PSTPIP2: variants seen among roughly 807,000 people sequenced by gnomAD.
PSTPIP2 encodes proline-serine-threonine phosphatase-interacting protein 2.
A neutral mutation model predicts 63.3 loss-of-function variants in PSTPIP2; 33 were observed. The ratio of observed to expected loss-of-function variants is 0.52; its 90% CI spans 0.40 to 0.70. The LOEUF (loss-of-function observed/expected upper bound fraction) is 0.70, where lower values mean the gene tolerates loss of function less well. PSTPIP2 is among the 30% of genes least tolerant of loss of function. PSTPIP2 has a pLI of 0.00. For missense variants in PSTPIP2, 312 were observed against 400.7 expected (o/e 0.78, Z 1.89); for synonymous variants, 125 against 132.7 (o/e 0.94, Z 0.40).
chr18:46,015,995 T>C, intron 3 of PSTPIP2, 58 bp from the exon 4 acceptor site: 2 of 1,553,694 alleles, frequency 1.3e-6, no homozygotes, highest in Admixed American at 1.7e-5. Context: ...CACAATCTTA[T>C]TATAATGCCT....
At chr18:45,993,508 A>T (rs2051560783) in intron 10 of PSTPIP2, 97 bp downstream of exon 10, 2 of 1,197,278 alleles carry the variant, frequency 1.7e-6, no homozygotes, top group South Asian at 2.6e-5. Context: ...ACCTTACTTC[A>T]CCAAGGGCAA....
At position 45,991,921 on chromosome 18, in the gene PSTPIP2, T is replaced by C; in HGVS notation, c.901A>G (p.Thr301Ala). Residue 301 changes from threonine to alanine, a missense_variant, in exon 12 of 15, where the codon ACA (threonine) becomes GCA (alanine). Transcript: ENST00000409746. Reference protein sequence around the residue: ...QKNAVPAGKATGPNLARRGPL... With the variant: ...QKNAVPAGKAAGPNLARRGPL... ...TATTACCTTGCCAAGTTAGGCCCTG[T>C]AGCCTTTCCTGCTGGGACTGCATTC... 2 of 1,612,850 alleles carry C rather than the reference T, an allele frequency of 1.2e-6. No individual in the cohort carries two copies. Among genetic ancestry groups the C allele is most frequent in the Non-Finnish European group, 1.7e-6 (2 of 1,178,818 alleles).
intron 2 of PSTPIP2, among the ~76,000 whole-genome samples, chr18:46,032,359 T>G (rs927433962): frequency 6.6e-6 from 1 of 152,172 alleles, no homozygotes; most frequent in African/African-American, 2.4e-5. Flanking sequence ...CTTAGCTGGC[T>G]ACGCTTCACA....
chr18:46,029,312 G>C lies in PSTPIP2; in HGVS notation c.135-4626C>G, dbSNP rs879241087. 4 of 1,532,478 alleles carry C rather than the reference G, an allele frequency of 2.6e-6. No homozygotes were observed. The Admixed American group carries it at 6.7e-5, about 26-fold the overall frequency. 94.9% of individuals were successfully genotyped at this position (1,532,478 alleles called of 1,614,324 possible). A position where few individuals can be genotyped will look rare whatever the true frequency, so the allele number is the denominator to read the frequency against. On this transcript the variant is annotated intron_variant, in intron 2 of 14. Coordinates refer to ENST00000409746, the MANE Select transcript of PSTPIP2 (RefSeq NM_024430.4). ...TTGCTGGGTATTTGCATTTGCTATCGATGAAGACCAAAGAACTGATTGGAA... is the reference window on the plus strand; with the variant it reads ...TTGCTGGGTATTTGCATTTGCTATCCATGAAGACCAAAGAACTGATTGGAA...
intron 1 of PSTPIP2, among the ~76,000 whole-genome samples, chr18:46,044,541 AAACC>A (rs1908312532): frequency 6.6e-6 from 1 of 152,228 alleles, no homozygotes; most frequent in Non-Finnish European, 1.5e-5. Context: ...ATCAGACCTA[AAACC>A]ATAAAAACCC....
intron 13 of PSTPIP2, among the ~76,000 whole-genome samples, chr18:45,990,428 G>T (rs967927751): frequency 2.9e-4 from 26 of 91,000 alleles, no homozygotes; most frequent in Non-Finnish European, 2.1e-4. Context: ...GGGTTTTTTT[G>T]TTTGTTTGTT....
At chr18:46,026,940 T>C (rs976478616) in intron 2 of PSTPIP2, among the ~76,000 whole-genome samples, 2 of 152,190 alleles carry the variant, frequency 1.3e-5, no homozygotes, top group African/African-American at 4.8e-5. Flanking sequence ...CAGGGATTTC[T>C]TTCTGCAGGT....
At chr18:46,031,794 G>A (rs909844785) in intron 2 of PSTPIP2, among the ~76,000 whole-genome samples, 6 of 152,190 alleles carry the variant, frequency 3.9e-5, no homozygotes, top group Non-Finnish European at 7.4e-5. Context: ...GGAAGACATC[G>A]TGAATCTAAA....
intron 1 of PSTPIP2, among the ~76,000 whole-genome samples, chr18:46,065,687 G>A (rs750486644): frequency 3.3e-5 from 5 of 151,822 alleles, no homozygotes; most frequent in Admixed American, 6.6e-5. Flanking sequence ...GGCTGGTCTC[G>A]AACTCCGGAC....
Position 45,992,133 on chromosome 18 carries a change from G to A in PSTPIP2, c.811C>T (p.Gln271Ter). ...IQRDIEYFVN[Q>*]RKTGQIPPAP... ...GGTGGAATCTGTCCAGTTTTGCGTT[G>A]ATTCACAAAGTATTCAATGTCCCTC... Residue 271 changes from glutamine to a stop codon, truncating the protein, a stop_gained, in exon 11 of 15, where the codon CAA (glutamine) becomes TAA (stop). Transcript: ENST00000409746. LOFTEE classifies it high-confidence loss of function. The A allele has an allele frequency of 6.2e-7, 1 of 1,608,730 alleles. No individual in the cohort carries two copies. Among genetic ancestry groups the A allele is most frequent in the Non-Finnish European group, 8.5e-7 (1 of 1,177,264 alleles).
chr18:46,034,055 C>A (rs1568224199), intron 2 of PSTPIP2, among the ~76,000 whole-genome samples: 1 of 152,180 alleles, frequency 6.6e-6, no homozygotes, highest in Non-Finnish European at 1.5e-5. Flanking sequence ...GTCATTCCCA[C>A]CCTGGCAATC....
intron 13 of PSTPIP2, among the ~76,000 whole-genome samples, chr18:45,989,168 G>C (rs1302446979): frequency 2.6e-5 from 4 of 152,106 alleles, no homozygotes; most frequent in Non-Finnish European, 5.9e-5. Flanking sequence ...GTTAAGTGCA[G>C]CATAAACTGT....
intron 3 of PSTPIP2, among the ~76,000 whole-genome samples, chr18:46,018,889 C>A (rs1389423691): frequency 6.6e-6 from 1 of 152,056 alleles, no homozygotes; most frequent in Non-Finnish European, 1.5e-5. Flanking sequence ...ATATTTTAAA[C>A]CAGCATTTTA....
intron 1 of PSTPIP2, among the ~76,000 whole-genome samples, chr18:46,067,829 A>T (rs1909248360): frequency 6.6e-6 from 1 of 152,218 alleles, no homozygotes; most frequent in Admixed American, 6.5e-5. Flanking sequence ...ATTCATGAAT[A>T]GTTTCTTTGC....
Position 45,992,889 on chromosome 18 carries a change from A to AT in PSTPIP2, c.742-688dup, listed in dbSNP as rs1168777627. ...AGGCACATGCCACCACGTCTGGCTA[A>AT]TTTTTTTTGCATTTTTAGTAGAGAC... is the stretch of plus-strand genomic sequence containing the variant. On this transcript the variant is annotated intron_variant, in intron 10 of 14. Coordinates refer to ENST00000409746, the MANE Select transcript of PSTPIP2 (RefSeq NM_024430.4). 9.9e-5 allele frequency among the ~76,000 whole-genome samples: 15 copies of AT among 151,372 alleles called. No homozygotes were observed. The South Asian group carries it at 2.5e-3, about 25-fold the overall frequency.
chr18:46,003,376 G>T (rs2051689636), intron 6 of PSTPIP2, among the ~76,000 whole-genome samples: 1 of 152,134 alleles, frequency 6.6e-6, no homozygotes, highest in Non-Finnish European at 1.5e-5. Flanking sequence ...AGGGGAGTTG[G>T]GTGCTCTCTA....
intron 3 of PSTPIP2, among the ~76,000 whole-genome samples, chr18:46,019,349 T>C (rs940581657): frequency 6.6e-5 from 10 of 152,330 alleles, no homozygotes; most frequent in African/African-American, 2.2e-4. Flanking sequence ...TCTATTTATC[T>C]CAAAACAAAG....
chr18:46,003,957 G>A (rs9965074), intron 6 of PSTPIP2, among the ~76,000 whole-genome samples: 9,380 of 151,056 alleles, frequency 0.062, 549 homozygotes, highest in African/African-American at 0.15. Context: ...GTAGAGTCGC[G>A]GTTTTGCCAT....
chr18:46,059,139 T>C (rs1413043606), intron 1 of PSTPIP2, among the ~76,000 whole-genome samples: 2 of 151,748 alleles, frequency 1.3e-5, no homozygotes, highest in Non-Finnish European at 2.9e-5. Context: ...CAGGTTCAAG[T>C]GATTCTTCTG....
Sources: gnomAD v4.1 joint callset for allele counts (sites outside exome capture counted in the v4.1 genomes callset) on GRCh38, gnomAD v4.1.1 for gene constraint, MANE v1.5 for transcripts, NCBI Gene and HGNC (gene_info 2026-07-23, HGNC 2026-07-21) for gene names.